The following MEI4 variants were observed in gnomAD, a reference collection of about 807,000 sequenced individuals.
MEI4 encodes meiotic double-stranded break formation protein 4.
MEI4 carries 27 observed loss-of-function variants against 31.4 expected under a neutral mutation model. The ratio of observed to expected loss-of-function variants is 0.86; its 90% CI spans 0.63 to 1.19. The LOEUF (loss-of-function observed/expected upper bound fraction) is 1.19. MEI4 is among the 50% of genes most tolerant of loss of function. MEI4 has a pLI of 0.00. For missense variants in MEI4, 329 were observed against 398.9 expected, an observed-to-expected ratio of 0.82 and a Z score of 1.49; for synonymous variants, 122 against 145.4, an observed-to-expected ratio of 0.84 and a Z score of 1.16.
intron 4 of MEI4, among the ~76,000 whole-genome samples, chr6:77,879,920 G>C (rs538634619): frequency 3.3e-5 from 5 of 152,246 alleles, no homozygotes; most frequent in African/African-American, 1.2e-4. Flanking sequence ...TAGAGAGACT[G>C]TTACATATAC....
At chr6:77,882,524 A>G (rs549092804) in intron 4 of MEI4, among the ~76,000 whole-genome samples, 4 of 152,110 alleles carry the variant, frequency 2.6e-5, no homozygotes, top group East Asian at 3.9e-4. Flanking sequence ...TTTGCTCTCA[A>G]TTTTCACTTT....
At chr6:77,704,721 A>G (rs1374913267) in intron 2 of MEI4, among the ~76,000 whole-genome samples, 1 of 152,216 alleles carries the variant, frequency 6.6e-6, no homozygotes, top group Non-Finnish European at 1.5e-5. Flanking sequence ...ACATATGTTC[A>G]GGGAGCATAA....
At position 77,822,164 on chromosome 6, in the gene MEI4, A is replaced by G. The variant is rs535681448; in HGVS notation, c.769-6767A>G. On this transcript the variant is annotated intron_variant, in intron 3 of 4. Transcript: ENST00000684080. ...AAATTTGCTGATTTATTTCGTGTTA[A>G]GATATACTATCAAATTCTGGAAATA... Among the ~76,000 whole-genome samples the G allele has an allele frequency of 5.9e-5, 9 of 152,280 alleles. No homozygotes were observed. In the South Asian group the frequency reaches 1.9e-3, roughly 32 times the overall value.
At position 77,847,890 on chromosome 6, in the gene MEI4, C is replaced by A. The variant is rs185838380; in HGVS notation, c.900+18828C>A. On this transcript the variant is annotated intron_variant, in intron 4 of 4. Coordinates refer to ENST00000684080, the MANE Select transcript of MEI4 (RefSeq NM_001322247.2). This position sits in a 1 kb window ranked among gnomAD's most constrained non-coding sequence, Gnocchi z 4.6. ...TAACTCTTACTGACCCTGAAACTCA[C>A]ATTACTTGTTTTCCAAGCTGTAATT... 6.6e-6 allele frequency among the ~76,000 whole-genome samples: 1 copy of A among 152,116 alleles called. No homozygotes were observed. The highest frequency in any genetic ancestry group is 6.6e-5 in the Admixed American group (1 of 15,256).
intron 2 of MEI4, among the ~76,000 whole-genome samples, chr6:77,750,390 G>C (rs1168909230): frequency 6.6e-6 from 1 of 152,114 alleles, no homozygotes; most frequent in East Asian, 1.9e-4. Context: ...CACATGCAAA[G>C]ACACACATAG....
At chr6:77,884,238 AT>A (rs750325709) in intron 4 of MEI4, among the ~76,000 whole-genome samples, 2 of 152,132 alleles carry the variant, frequency 1.3e-5, no homozygotes, top group African/African-American at 2.4e-5. Context: ...AATTCTGTGT[AT>A]ATTCTGGATA....
chr6:77,714,026 G>A (rs767936573), intron 2 of MEI4, among the ~76,000 whole-genome samples: 9 of 152,008 alleles, frequency 5.9e-5, no homozygotes, highest in Middle Eastern at 3.4e-3. Flanking sequence ...AAGGATAATG[G>A]CCTCCAGCTC....
At chr6:77,906,554 G>C (rs1269183453) in intron 4 of MEI4, among the ~76,000 whole-genome samples, 1 of 152,172 alleles carries the variant, frequency 6.6e-6, no homozygotes. Flanking sequence ...GGTCCTTTCA[G>C]TCTTTTATTT....
intron 4 of MEI4, among the ~76,000 whole-genome samples, chr6:77,858,733 A>C (rs1770796790): frequency 6.6e-6 from 1 of 152,086 alleles, no homozygotes; most frequent in Non-Finnish European, 1.5e-5. Context: ...TATTTCCTTT[A>C]AATTCTCTTC....
chr6:77,911,906 G>T (rs1261985516), intron 4 of MEI4, among the ~76,000 whole-genome samples: 1 of 151,630 alleles, frequency 6.6e-6, no homozygotes, highest in Admixed American at 6.6e-5. Flanking sequence ...TCTTTGCCTA[G>T]AAAAATGTCC....
intron 4 of MEI4, among the ~76,000 whole-genome samples, chr6:77,883,717 G>GAT (rs570185624): frequency 0.06 from 2,602 of 43,222 alleles, 86 homozygotes; most frequent in Middle Eastern, 0.16. Context: ...TATTATGTAA[G>GAT]ATATATATAT....
In MEI4 at chr6:77,787,011, A is replaced by C. The variant is rs148701577; in HGVS notation, c.768+25346A>C. Among the ~76,000 whole-genome samples the C allele has an allele frequency of 1.4e-3, 212 of 152,302 alleles. 1 individual carries two copies. Among genetic ancestry groups the C allele is most frequent in the African/African-American group, 4.5e-3 (186 of 41,588 alleles). On this transcript the variant is annotated intron_variant, in intron 3 of 4. Coordinates refer to ENST00000684080, the MANE Select transcript of MEI4 (RefSeq NM_001322247.2). Reference sequence around the variant, plus strand: ...CAGCAAGCTTGACAACACTGGACGCACAGCAGATTCTGAAATGGTCCTGTA... The same window carrying C: ...CAGCAAGCTTGACAACACTGGACGCCCAGCAGATTCTGAAATGGTCCTGTA...
intron 1 of MEI4, among the ~76,000 whole-genome samples, chr6:77,656,637 T>C (rs192197009): frequency 1.1e-4 from 17 of 152,340 alleles, no homozygotes; most frequent in Admixed American, 9.1e-4. Context: ...TAGTTTCTTA[T>C]AATAATCTGC....
At chr6:77,804,331 G>A (rs925734179) in intron 3 of MEI4, among the ~76,000 whole-genome samples, 13 of 152,144 alleles carry the variant, frequency 8.5e-5, no homozygotes, top group African/African-American at 2.4e-4. Context: ...GGAGTGACCC[G>A]ATTTTCCAGG....
At chr6:77,814,720 C>T (rs1346322817) in intron 3 of MEI4, among the ~76,000 whole-genome samples, 1 of 152,020 alleles carries the variant, frequency 6.6e-6, no homozygotes, top group Admixed American at 6.6e-5. Flanking sequence ...TGAATGTTCC[C>T]CCTACCTGCT....
chr6:77,824,654 TA>T (rs11289987), intron 3 of MEI4, among the ~76,000 whole-genome samples: 146,593 of 149,382 alleles, frequency 0.98, 71,926 homozygotes, highest in East Asian at 1. Context: ...ACATTCAAGT[TA>T]AAAAAAAAAA....
intron 3 of MEI4, among the ~76,000 whole-genome samples, chr6:77,815,441 A>C (rs1256322622): frequency 6.6e-6 from 1 of 152,138 alleles, no homozygotes; most frequent in Non-Finnish European, 1.5e-5. Flanking sequence ...TCTGAAGGCA[A>C]ACTGGCCAAT....
intron 4 of MEI4, among the ~76,000 whole-genome samples, chr6:77,886,392 C>T (rs866203945): frequency 3.3e-5 from 5 of 151,420 alleles, no homozygotes; most frequent in Admixed American, 2.6e-4. Context: ...GTAGGTTGTA[C>T]GTGTCCAAGA....
At chr6:77,781,161 G>A (rs1768588212) in intron 3 of MEI4, among the ~76,000 whole-genome samples, 1 of 151,978 alleles carries the variant, frequency 6.6e-6, no homozygotes, top group African/African-American at 2.4e-5. Flanking sequence ...GCCTCCCAAT[G>A]TGCTGGAATC....
Sources: allele counts gnomAD v4.1 joint callset (sites outside exome capture counted in the v4.1 genomes callset), GRCh38; gene constraint gnomAD v4.1.1; non-coding constraint Gnocchi (gnomAD v3.1); transcripts MANE v1.5; gene names NCBI Gene and HGNC (gene_info 2026-07-23, HGNC 2026-07-21).